NLRP12: variants seen among roughly 807,000 people sequenced by gnomAD.
The protein encoded by NLRP12 is NLR family pyrin domain containing 12, also known as NACHT, LRR and PYD domains-containing protein 12.
A neutral mutation model predicts 91.2 loss-of-function variants in NLRP12; 108 were observed. That is an observed-to-expected ratio of 1.18 (90% CI 1.01 to 1.39). The LOEUF (loss-of-function observed/expected upper bound fraction) is 1.39. Ranked by LOEUF, NLRP12 falls within the 40% of genes most tolerant of loss-of-function variation. The probability of loss-of-function intolerance (pLI) is 0.00; values close to 1 mark genes in which losing one functional copy is unlikely to be tolerated. For synonymous variants in NLRP12, 613 were observed against 566.7 expected, an observed-to-expected ratio of 1.08 and a Z score of -1.16; for missense variants, 1,530 against 1,352.7, an observed-to-expected ratio of 1.13 and a Z score of -2.06.
intron 6 of NLRP12, among the ~76,000 whole-genome samples, chr19:53,802,227 CAAATAAAT>C (rs369882676): frequency 6.6e-6 from 1 of 151,524 alleles, no homozygotes; most frequent in Admixed American, 6.6e-5. Context: ...AACTCCATCT[CAAATAAAT>C]AAATAATAAA....
At position 53,823,846 on chromosome 19, in the gene NLRP12, G is replaced by A. The variant is rs779457574; in HGVS notation, c.289+40C>T. 9.4e-5 allele frequency: 152 copies of A among 1,610,758 alleles called. 1 individual carries two copies. The Admixed American group carries it at 2.0e-3, about 22-fold the overall frequency. ...ATTACAGGTATGAGTCACTGGACCC[G>A]GCTGGCATTCTAGCCTTGCCTGTCC... On this transcript the variant is annotated intron_variant, in intron 1 of 9. Coordinates refer to ENST00000324134, the MANE Select transcript of NLRP12 (RefSeq NM_144687.4).
In NLRP12 at chr19:53,824,046, G is replaced by C; in HGVS notation, c.129C>G (p.Ile43Met). The C allele has an allele frequency of 6.2e-7, 1 of 1,614,164 alleles. No individual in the cohort carries two copies. The highest frequency in any genetic ancestry group is 8.5e-7 in the Non-Finnish European group (1 of 1,180,030). Residue 43 changes from isoleucine to methionine, a missense_variant, in exon 1 of 10, where the codon ATC becomes ATG. By Grantham distance (10) the Ile-to-Met change is conservative. Transcript: ENST00000324134. ...CGGCCTTCTCCATGCTTCCCCAGGG[G>C]ATCTTGCCTTCTCCCAGCTCTGTCG... The part of the protein sequence containing the change: ...GTATELGEGK[I>M]PWGSMEKAGP...
chr19:53,821,116 A>T (rs1325371456), intron 1 of NLRP12, among the ~76,000 whole-genome samples: 2 of 142,730 alleles, frequency 1.4e-5, no homozygotes, highest in Non-Finnish European at 3.0e-5. Context: ...GCTCACTGCA[A>T]CCTCCACCGC....
intron 1 of NLRP12, among the ~76,000 whole-genome samples, chr19:53,819,410 AATATAT>A (rs754512228): frequency 0.013 from 302 of 23,648 alleles, 26 homozygotes; most frequent in Middle Eastern, 0.038. Context: ...ACGCCTGGCT[AATATAT>A]ATATATATAT....
At chr19:53,800,261 C>T (rs547811701) in intron 7 of NLRP12, among the ~76,000 whole-genome samples, 29 of 151,956 alleles carry the variant, frequency 1.9e-4, no homozygotes, top group South Asian at 1.2e-3. Flanking sequence ...GCTGAGATCG[C>T]GCCACCGCAC....
chr19:53,794,222 G>A, intron 9 of NLRP12, 86 bp from the exon 10 acceptor site: 2 of 916,240 alleles, frequency 2.2e-6, no homozygotes, highest in East Asian at 4.8e-5. Flanking sequence ...GCACTACCGT[G>A]GTAAGATAAT....
In NLRP12 at chr19:53,795,842, T is replaced by TGGTCATCATCCCTCACCAGAGGACTC; in HGVS notation, c.3089_3098+16dup. On this transcript the variant is annotated intron_variant, in intron 9 of 9. Coordinates refer to ENST00000324134, the MANE Select transcript of NLRP12 (RefSeq NM_144687.4). ...ATGTCCAGCCTCCTCCAGAAAGAAC[T>TGGTCATCATCCCTCACCAGAGGACTC]GGTCATCATCCCTCACCAGAGGACT... 6.2e-7 allele frequency: 1 copy of TGGTCATCATCCCTCACCAGAGGACTC among 1,613,496 alleles called. No homozygotes were observed. The highest frequency in any genetic ancestry group is 8.5e-7 in the Non-Finnish European group (1 of 1,179,516).
intron 2 of NLRP12, among the ~76,000 whole-genome samples, 192 bp downstream of exon 2, chr19:53,814,716 T>G (rs968023241): frequency 3.9e-5 from 6 of 152,144 alleles, no homozygotes; most frequent in African/African-American, 1.2e-4. Context: ...AGCCAGGAGA[T>G]GACACGTGTC....
Position 53,811,389 on chromosome 19 carries a change from C to T in NLRP12, c.371-101G>A, listed in dbSNP as rs2092074204. The T allele has an allele frequency of 2.9e-6, 4 of 1,365,352 alleles. No homozygotes were observed. In the East Asian group the frequency reaches 9.2e-5, roughly 31 times the overall value. 84.6% of individuals were successfully genotyped at this position (1,365,352 alleles called of 1,614,324 possible). On this transcript the variant is annotated intron_variant, in intron 2 of 9. Coordinates refer to ENST00000324134, the MANE Select transcript of NLRP12 (RefSeq NM_144687.4). ...CATGTGGCTCAAAGAAGGTGTGTGC[C>T]TGTAGTTCCAGCTACTCAGGAGGCT...
intron 2 of NLRP12, among the ~76,000 whole-genome samples, chr19:53,812,474 C>T (rs1026965427): frequency 6.6e-6 from 1 of 151,678 alleles, no homozygotes; most frequent in Non-Finnish European, 1.5e-5. Flanking sequence ...TCCCCTAGTT[C>T]CCCAGGGGAC....
At position 53,793,774 on chromosome 19, in the gene NLRP12, A is replaced by C; in HGVS notation, c.*275T>G. On this transcript the variant is annotated 3_prime_UTR_variant, in exon 10 of 10. Transcript: ENST00000324134. The stretch of plus-strand genomic sequence containing the variant: ...TAATTTTTTTTTATTTTTAGTAGAG[A>C]CAGGGTTTCACCATCTTGGCCAGGC... 2 of 523,798 alleles carry C rather than the reference A, an allele frequency of 3.8e-6. No individual in the cohort carries two copies. The highest frequency in any genetic ancestry group is 6.9e-5 in the East Asian group (2 of 28,872). 32.4% of individuals were successfully genotyped at this position (523,798 alleles called of 1,614,324 possible).
Position 53,804,130 on chromosome 19 carries a change from G to A in NLRP12, c.2415-8C>T. The A allele has an allele frequency of 1.9e-6, 3 of 1,613,834 alleles. No homozygotes were observed. Among genetic ancestry groups the A allele is most frequent in the Non-Finnish European group, 2.5e-6 (3 of 1,179,898 alleles). Reference sequence around the variant, plus strand: ...AGCTGACACTTCCTCAACCTTGGGAGGAAGGAGAGGTTGAAGGGGACGCCA... The same window carrying A: ...AGCTGACACTTCCTCAACCTTGGGAAGAAGGAGAGGTTGAAGGGGACGCCA... On this transcript the variant is annotated splice_polypyrimidine_tract_variant and splice_region_variant and intron_variant, in intron 5 of 9. Coordinates refer to ENST00000324134, the MANE Select transcript of NLRP12 (RefSeq NM_144687.4).
At chr19:53,808,528 G>A (rs1275977505) in intron 3 of NLRP12, 1 of 152,022 alleles carries the variant, frequency 6.6e-6, no homozygotes, top group Non-Finnish European at 1.5e-5. Flanking sequence ...GGCCAACATG[G>A]TGACACCCCA....
rs2092307614 is a variant in NLRP12, at chr19:53,824,053, C to T, written c.122G>A (p.Gly41Asp). The T allele has an allele frequency of 6.2e-7, 1 of 1,614,144 alleles. No individual in the cohort carries two copies. Among genetic ancestry groups the T allele is most frequent in the Non-Finnish European group, 8.5e-7 (1 of 1,180,034 alleles). ...CTCCATGCTTCCCCAGGGGATCTTG[C>T]CTTCTCCCAGCTCTGTCGCGGTCCC... ...YLGTATELGE[G>D]KIPWGSMEKA... The change falls in exon 1 of 10, where the codon GGC (glycine) becomes GAC (aspartate). Residue 41 changes from glycine to aspartate, a missense_variant. Gly to Asp is a moderately conservative substitution (Grantham distance 94). Coordinates refer to ENST00000324134, the MANE Select transcript of NLRP12 (RefSeq NM_144687.4).
intron 1 of NLRP12, among the ~76,000 whole-genome samples, chr19:53,817,199 C>T (rs1370481123): frequency 1.3e-5 from 2 of 151,762 alleles, no homozygotes; most frequent in East Asian, 3.9e-4. Flanking sequence ...GAGGCCGAGG[C>T]AGGTGGGATT....
rs2091744183 is a variant in NLRP12 at position 53,795,726 on chromosome 19, A to C, written c.3098+133T>G. 14 of 802,576 alleles carry C rather than the reference A, an allele frequency of 1.7e-5. No individual in the cohort carries two copies. The South Asian group carries it at 2.0e-4, about 12-fold the overall frequency. 49.7% of individuals were successfully genotyped at this position (802,576 alleles called of 1,614,324 possible). On this transcript the variant is annotated intron_variant, in intron 9 of 9. Transcript: ENST00000324134. ...ACAGCCAGTAGATGACATAGCTAAT[A>C]TGTGGCCTCATCTGTATGCCCCCTA...
rs1366786482 is a variant in NLRP12 at position 53,811,094 on chromosome 19, G to A, written c.565C>T (p.His189Tyr). The change falls in exon 3 of 10, where the codon CAC becomes TAC. Residue 189 changes from histidine to tyrosine, a missense_variant. Physicochemically the swap from His to Tyr is moderately conservative, Grantham distance 83. Coordinates refer to ENST00000324134, the MANE Select transcript of NLRP12 (RefSeq NM_144687.4). ...TGRGHARTVG[H>Y]QASPIKIETL... Reference sequence around the variant, plus strand: ...TCTATCTTGATGGGGCTAGCCTGGTGTCCCACGGTCCTCGCGTGTCCCCGG... The same window carrying A: ...TCTATCTTGATGGGGCTAGCCTGGTATCCCACGGTCCTCGCGTGTCCCCGG... 1 of 1,613,876 alleles carries A rather than the reference G, an allele frequency of 6.2e-7. No homozygotes were observed. Among genetic ancestry groups the A allele is most frequent in the African/African-American group, 1.3e-5 (1 of 75,050 alleles).
rs370047032 is a variant in NLRP12, at chr19:53,795,849, C to T, written c.3098+10G>A. 1 of 1,613,784 alleles carries T rather than the reference C, an allele frequency of 6.2e-7. No individual in the cohort carries two copies. Among genetic ancestry groups the T allele is most frequent in the South Asian group, 1.1e-5 (1 of 91,058 alleles). On this transcript the variant is annotated intron_variant, in intron 9 of 9. Coordinates refer to ENST00000324134, the MANE Select transcript of NLRP12 (RefSeq NM_144687.4). ...GCCTCCTCCAGAAAGAACTGGTCAT[C>T]ATCCCTCACCAGAGGACTCGGAGTT...
intron 7 of NLRP12, 86 bp downstream of exon 7, chr19:53,801,141 G>C: frequency 8.0e-7 from 1 of 1,243,184 alleles, no homozygotes; most frequent in East Asian, 2.3e-5. Flanking sequence ...TTTAGGAGCA[G>C]AGACAACCTG....
Sources: allele counts gnomAD v4.1 joint callset (sites outside exome capture counted in the v4.1 genomes callset), GRCh38; gene constraint gnomAD v4.1.1; transcripts MANE v1.5; gene names NCBI Gene and HGNC (gene_info 2026-07-23, HGNC 2026-07-21).